The following ARHGEF18 variants were observed in gnomAD, a reference collection of about 807,000 sequenced individuals.
ARHGEF18 encodes rho guanine nucleotide exchange factor 18.
In ARHGEF18, 93 loss-of-function variants were observed where a neutral mutation model predicts 155.7. The observed-to-expected ratio is 0.60, with a 90% CI of 0.50 to 0.71. The LOEUF (loss-of-function observed/expected upper bound fraction) is 0.71. ARHGEF18 is among the 30% of genes least tolerant of loss of function. ARHGEF18 has a pLI of 0.00. For synonymous variants in ARHGEF18, 742 were observed against 753.1 expected (o/e 0.99, Z 0.24); for missense variants, 1,593 against 1,816.1 (o/e 0.88, Z 2.23).
intron 10 of ARHGEF18, among the ~76,000 whole-genome samples, chr19:7,438,522 C>CT (rs1192654310): frequency 6.6e-6 from 1 of 151,860 alleles, no homozygotes; most frequent in Non-Finnish European, 1.5e-5. Context: ...AACGATTCTC[C>CT]TGCCTCAGCC....
chr19:7,419,943 G>A (rs1027321563), intron 10 of ARHGEF18, among the ~76,000 whole-genome samples: 5 of 146,170 alleles, frequency 3.4e-5, no homozygotes, highest in Non-Finnish European at 1.5e-5. Flanking sequence ...TGTACCCCAG[G>A]TGTACTCACA....
chr19:7,451,051 TA>T, intron 15 of ARHGEF18, 97 bp from the exon 16 acceptor site: 1 of 1,114,956 alleles, frequency 9.0e-7, no homozygotes, highest in Admixed American at 1.8e-5. Context: ...TCCGAGATGT[TA>T]ATGCGGGATC....
chr19:7,452,127 G>T (rs1400367713), intron 16 of ARHGEF18, among the ~76,000 whole-genome samples: 1 of 152,248 alleles, frequency 6.6e-6, no homozygotes, highest in Admixed American at 6.5e-5. Flanking sequence ...CCTAGCACAG[G>T]CTGGGCCACT....
intron 1 of ARHGEF18, among the ~76,000 whole-genome samples, chr19:7,357,198 G>C (rs1036040167): frequency 6.6e-6 from 1 of 152,288 alleles, no homozygotes; most frequent in Admixed American, 6.5e-5. Flanking sequence ...GATGAACAAA[G>C]CTGCCAGTGT....
intron 13 of ARHGEF18, 64 bp downstream of exon 13, chr19:7,442,116 TCCTC>T (rs770372414): frequency 2.0e-6 from 3 of 1,530,310 alleles, no homozygotes; most frequent in Non-Finnish European, 2.7e-6. Flanking sequence ...CTCCCTCCCT[TCCTC>T]CCTCCCTTCC....
At chr19:7,364,144 AGGAAGGAT>A (rs1365103396) in intron 2 of ARHGEF18, among the ~76,000 whole-genome samples, 7 of 151,710 alleles carry the variant, frequency 4.6e-5, no homozygotes, top group African/African-American at 1.7e-4. Flanking sequence ...AAAAGAATAA[AGGAAGGAT>A]GGATGGATAA....
chr19:7,405,427 T>C (rs1050996306), intron 10 of ARHGEF18, among the ~76,000 whole-genome samples: 2 of 152,196 alleles, frequency 1.3e-5, no homozygotes, highest in Non-Finnish European at 2.9e-5. Context: ...TCATAGGCTC[T>C]AGGGCCCACC....
At chr19:7,479,965 TA>T in the ARHGEF18 span, among the ~76,000 whole-genome samples, 1 of 151,946 alleles carries the variant, frequency 6.6e-6, no homozygotes, top group African/African-American at 2.4e-5. Flanking sequence ...AAAACTGCTC[TA>T]AAAAAATAAA....
chr19:7,447,738 A>G (rs945413764), intron 15 of ARHGEF18, among the ~76,000 whole-genome samples: 5 of 152,116 alleles, frequency 3.3e-5, no homozygotes, highest in African/African-American at 1.2e-4. Context: ...CTCACGCTGT[A>G]AATCCAGCAC....
intron 10 of ARHGEF18, among the ~76,000 whole-genome samples, chr19:7,409,474 C>G (rs184348920): frequency 7.8e-4 from 113 of 144,998 alleles, no homozygotes; most frequent in African/African-American, 2.8e-3. Context: ...ATCACCCAAG[C>G]TGGAGTGCAG....
At position 7,466,836 on chromosome 19, in the gene ARHGEF18, A is replaced by G. The variant is rs199756025; in HGVS notation, c.2905-82A>G. 1.5e-3 allele frequency: 1,591 copies of G among 1,094,804 alleles called. 25 individuals carry two copies. The highest frequency in any genetic ancestry group is 1.0e-2 in the African/African-American group (564 of 56,486). The allele number at this position is 1,094,804 out of a possible 1,614,324, so 67.8% of individuals were successfully genotyped here. ...AAAAAAAAAAAAAAAAGTTAAAAAA[A>G]AAGAAGAAGAAGAAGAAGGCTTGAG... On this transcript the variant is annotated intron_variant, in intron 23 of 28. Transcript: ENST00000668164.
chr19:7,396,710 T>TA (rs757240169), intron 10 of ARHGEF18, among the ~76,000 whole-genome samples: 1,651 of 130,808 alleles, frequency 0.013, 16 homozygotes, highest in African/African-American at 0.033. Context: ...CAAGACTGTC[T>TA]AAAAAAAAAA....
intron 3 of ARHGEF18, 105 bp downstream of exon 3, chr19:7,373,176 C>T: frequency 8.2e-7 from 1 of 1,216,646 alleles, no homozygotes; most frequent in Non-Finnish European, 1.0e-6. Context: ...CTTGCACCTG[C>T]CGTGGTCCCC....
intron 8 of ARHGEF18, among the ~76,000 whole-genome samples, chr19:7,381,494 A>G (rs1181789176): frequency 1.3e-5 from 2 of 152,022 alleles, no homozygotes; most frequent in Non-Finnish European, 2.9e-5. Flanking sequence ...CCTGGCCAAC[A>G]TGGTGAAACC....
At chr19:7,393,217 G>A (rs113535588) in intron 10 of ARHGEF18, among the ~76,000 whole-genome samples, 1 of 152,014 alleles carries the variant, frequency 6.6e-6, no homozygotes, top group African/African-American at 2.4e-5. Flanking sequence ...TGCATTTCTG[G>A]GACATCCAAT....
chr19:7,422,851 T>C (rs1234843485), intron 10 of ARHGEF18, among the ~76,000 whole-genome samples: 3 of 151,230 alleles, frequency 2.0e-5, no homozygotes, highest in East Asian at 1.9e-4. Context: ...CCCAAGAAGC[T>C]GGGATTACAG....
chr19:7,460,432 C>T (rs978715840), intron 20 of ARHGEF18, among the ~76,000 whole-genome samples: 2 of 152,182 alleles, frequency 1.3e-5, no homozygotes, highest in African/African-American at 4.8e-5. Flanking sequence ...CTCACCCTCC[C>T]AAGCGTGGGG....
intron 1 of ARHGEF18, among the ~76,000 whole-genome samples, chr19:7,362,016 G>GAA (rs1568264351): frequency 2.1e-4 from 8 of 37,282 alleles, no homozygotes; most frequent in East Asian, 1.5e-3. Flanking sequence ...AGAAGAAGAA[G>GAA]GAGAAGGAGA....
At chr19:7,362,083 G>GAGA (rs1390506322) in intron 1 of ARHGEF18, among the ~76,000 whole-genome samples, 1 of 33,558 alleles carries the variant, frequency 3.0e-5, no homozygotes, top group Non-Finnish European at 5.2e-5. Context: ...GAAGGAGAAG[G>GAGA]AGAAGGAGAA....
Sources: allele counts gnomAD v4.1 joint callset (sites outside exome capture counted in the v4.1 genomes callset), GRCh38; gene constraint gnomAD v4.1.1; transcripts MANE v1.5; gene names NCBI Gene and HGNC (gene_info 2026-07-23, HGNC 2026-07-21).